The following MEF2A variants were observed in gnomAD, a reference collection of about 807,000 sequenced individuals.
MEF2A encodes myocyte-specific enhancer factor 2A.
MEF2A carries 28 observed loss-of-function variants against 55.8 expected under a neutral mutation model. The ratio of observed to expected loss-of-function variants is 0.50; its 90% CI spans 0.37 to 0.69. MEF2A has a LOEUF of 0.69. MEF2A is among the 30% of genes least tolerant of loss of function. The pLI is 0.00. For synonymous variants in MEF2A, 239 were observed against 227.1 expected (o/e 1.05, Z -0.47); for missense variants, 528 against 626.2 (o/e 0.84, Z 1.67).
At position 99,577,958 on chromosome 15, in the gene MEF2A, GA is replaced by G. The variant is rs200604029; in HGVS notation, c.-225+11855del. Among the ~76,000 whole-genome samples the G allele has an allele frequency of 3.9e-4, 59 of 152,294 alleles. No individual in the cohort carries two copies. The East Asian group carries it at 0.011, about 29-fold the overall frequency. On this transcript the variant is annotated intron_variant, in intron 1 of 11. Coordinates refer to ENST00000557942, the MANE Select transcript of MEF2A (RefSeq NM_001319206.4). ...GGTATGTTTATATCAGGGGCTACAG[GA>G]TGTCACTGTCTTATTACTAATGACG...
chr15:99,579,165 C>T (rs1018645219), intron 1 of MEF2A, among the ~76,000 whole-genome samples: 38 of 152,112 alleles, frequency 2.5e-4, no homozygotes, highest in African/African-American at 8.5e-4. Context: ...AATTTAGCCA[C>T]CTTTTAAATT....
At chr15:99,599,535 A>C (rs181670933) in intron 2 of MEF2A, among the ~76,000 whole-genome samples, 1 of 152,278 alleles carries the variant, frequency 6.6e-6, no homozygotes, top group East Asian at 1.9e-4. Context: ...ATATTCTGAC[A>C]TCAGTTTCAT....
chr15:99,705,583 A>T (rs2057940317), intron 9 of MEF2A, among the ~76,000 whole-genome samples: 1 of 152,224 alleles, frequency 6.6e-6, no homozygotes. Flanking sequence ...TCTTTCTCAC[A>T]TCTTCTAACC....
rs78792152 is a variant in MEF2A, at chr15:99,595,316, G to A, written c.-224-3114G>A. ...TTATTATGTTAGGCTTTCCCTGGAT[G>A]CATTGTCTATAGTTTTAATCTCCTT... On this transcript the variant is annotated intron_variant, in intron 1 of 11. Coordinates refer to ENST00000557942, the MANE Select transcript of MEF2A (RefSeq NM_001319206.4). Among the ~76,000 whole-genome samples the A allele has an allele frequency of 7.1e-3, 1,083 of 152,228 alleles. 5 individuals are homozygous for A. The highest frequency in any genetic ancestry group is 0.061 in the Middle Eastern group (18 of 294).
At position 99,638,261 on chromosome 15, in the gene MEF2A, A is replaced by T. The variant is rs28451734; in HGVS notation, c.54+5088A>T. Among the ~76,000 whole-genome samples the T allele has an allele frequency of 2.6e-3, 386 of 150,548 alleles. 2 individuals carry two copies. Among genetic ancestry groups the T allele is most frequent in the Non-Finnish European group, 4.3e-3 (291 of 67,484 alleles). The stretch of plus-strand genomic sequence containing the variant: ...AGGCCAGCTTTTGATCTTAAAAAAA[A>T]TTTTTTTTTTAAAGATAATGTGTCT... On this transcript the variant is annotated intron_variant, in intron 3 of 11. Coordinates refer to ENST00000557942, the MANE Select transcript of MEF2A (RefSeq NM_001319206.4).
rs115264955 is a variant in MEF2A, at chr15:99,668,030, G to A, written c.259-3293G>A. Among the ~76,000 whole-genome samples the A allele has an allele frequency of 8.4e-3, 1,283 of 152,092 alleles. 24 individuals are homozygous for A. The highest frequency in any genetic ancestry group is 0.029 in the African/African-American group (1,206 of 41,484). The stretch of plus-strand genomic sequence containing the variant: ...TGCGTTTTGTACCATAAATGACAAT[G>A]TGCAGAAAGTACCTGAATTGGCCCA... On this transcript the variant is annotated intron_variant, in intron 4 of 11. Transcript: ENST00000557942.
chr15:99,577,878 A>G (rs564614230), intron 1 of MEF2A, among the ~76,000 whole-genome samples: 32 of 152,182 alleles, frequency 2.1e-4, no homozygotes, highest in Non-Finnish European at 4.0e-4. Flanking sequence ...TCTTATGATT[A>G]ATGTGGGATT....
intron 1 of MEF2A, among the ~76,000 whole-genome samples, chr15:99,575,922 T>C (rs776238212): frequency 6.6e-6 from 1 of 152,230 alleles, no homozygotes; most frequent in Non-Finnish European, 1.5e-5. Context: ...AACCCACATT[T>C]GGTTAGTGGA....
intron 2 of MEF2A, among the ~76,000 whole-genome samples, chr15:99,601,513 T>G (rs1453660002): frequency 2.6e-5 from 4 of 150,978 alleles, no homozygotes; most frequent in Admixed American, 2.0e-4. Context: ...GGTCAGAGTT[T>G]TTTTTTTTTT....
intron 7 of MEF2A, among the ~76,000 whole-genome samples, chr15:99,684,240 T>A (rs946221776): frequency 6.6e-6 from 1 of 152,374 alleles, no homozygotes; most frequent in African/African-American, 2.4e-5. Context: ...GTAGTGGGAT[T>A]GCTAGATCAA....
chr15:99,585,928 C>T (rs1216381917), intron 1 of MEF2A, among the ~76,000 whole-genome samples: 1 of 151,730 alleles, frequency 6.6e-6, no homozygotes, highest in African/African-American at 2.4e-5. Context: ...AGGTTTTTTT[C>T]CTAAATGGAA....
At position 99,712,759 on chromosome 15, in the gene MEF2A, G is replaced by A. The variant is rs774022309; in HGVS notation, c.1506G>A (p.Ala502=). Residue 502 remains alanine (A), a synonymous_variant, in exon 12 of 12, where the codon GCG becomes GCA. Coordinates refer to ENST00000557942, the MANE Select transcript of MEF2A (RefSeq NM_001319206.4). The surrounding 1 kb of genome is among the most constrained non-coding windows in gnomAD (Gnocchi z 4.1). ...CTGTAAAGCGAATGAGGATGGACGC[G>A]TGGGTGACCTAAGGCTTCCAAGCTG... ...SPSVKRMRMD[A]WVT 1.9e-5 allele frequency: 30 copies of A among 1,557,030 alleles called. No homozygotes were observed. Among genetic ancestry groups the A allele is most frequent in the Middle Eastern group, 1.7e-4 (1 of 6,020 alleles).
At chr15:99,655,316 T>G (rs1386277692) in intron 4 of MEF2A, among the ~76,000 whole-genome samples, 2 of 152,020 alleles carry the variant, frequency 1.3e-5, no homozygotes, top group East Asian at 3.8e-4. Context: ...GATATCCATA[T>G]AGAAAAAAAA....
chr15:99,575,002 A>G (rs1044179381), intron 1 of MEF2A, among the ~76,000 whole-genome samples: 2 of 152,192 alleles, frequency 1.3e-5, no homozygotes, highest in African/African-American at 2.4e-5. Context: ...TATAATATCA[A>G]GAATCCACTG....
intron 8 of MEF2A, among the ~76,000 whole-genome samples, chr15:99,691,980 A>G (rs2055574652): frequency 6.6e-6 from 1 of 152,224 alleles, no homozygotes; most frequent in Non-Finnish European, 1.5e-5. Flanking sequence ...ACTAGAATAT[A>G]TAATCAAGTT....
intron 3 of MEF2A, among the ~76,000 whole-genome samples, chr15:99,644,576 T>A (rs2045618552): frequency 6.6e-6 from 1 of 152,196 alleles, no homozygotes; most frequent in South Asian, 2.1e-4. Context: ...TAGTTAAAGT[T>A]TATAGGAAGA....
intron 2 of MEF2A, among the ~76,000 whole-genome samples, chr15:99,626,675 A>G (rs1377519329): frequency 6.6e-6 from 1 of 152,188 alleles, no homozygotes; most frequent in African/African-American, 2.4e-5. Flanking sequence ...ACATACAATA[A>G]GAGAGAACCC....
intron 2 of MEF2A, among the ~76,000 whole-genome samples, chr15:99,605,922 A>G (rs948717550): frequency 8.5e-5 from 13 of 152,192 alleles, no homozygotes; most frequent in Admixed American, 6.5e-4. Context: ...GTGAGCCGAG[A>G]TCATGCCCTG....
rs373204094 is a variant in MEF2A at position 99,706,834 on chromosome 15, A to G, written c.988A>G (p.Met330Val). The change falls in exon 10 of 12, where the codon ATG becomes GTG. Residue 330 changes from methionine to valine, a missense_variant. By Grantham distance (21) the Met-to-Val change is conservative. Around this residue, in one of 2 missense-constraint regions of MEF2A, gnomAD observed 450 missense variants for 475.3 expected, o/e 0.95. Coordinates refer to ENST00000557942, the MANE Select transcript of MEF2A (RefSeq NM_001319206.4). ...TCCGCAAGGACTTGTGTACTCAGCAATGCCGACTGCCTACAACACTGGTGA... is the reference window on the plus strand; with the variant it reads ...TCCGCAAGGACTTGTGTACTCAGCAGTGCCGACTGCCTACAACACTGGTGA... ...LPPQGLVYSA[M>V]PTAYNTDYSL... The G allele has an allele frequency of 4.3e-6, 7 of 1,613,932 alleles. No homozygotes were observed. Among genetic ancestry groups the G allele is most frequent in the African/African-American group, 4.0e-5 (3 of 74,946 alleles).
Sources: gnomAD v4.1 joint callset for allele counts (sites outside exome capture counted in the v4.1 genomes callset) on GRCh38, gnomAD v4.1.1 for gene constraint, gnomAD v4.1.1 regional missense constraint, Gnocchi (gnomAD v3.1) non-coding constraint, MANE v1.5 for transcripts, NCBI Gene and HGNC (gene_info 2026-07-23, HGNC 2026-07-21) for gene names.